DYNC1I1: variants seen among roughly 807,000 people sequenced by gnomAD.
DYNC1I1 encodes dynein cytoplasmic 1 intermediate chain 1, also known as cytoplasmic dynein 1 intermediate chain 1.
DYNC1I1 carries 43 observed loss-of-function variants against 86.6 expected under a neutral mutation model. That is an observed-to-expected ratio of 0.50 (90% CI 0.39 to 0.64). The LOEUF (loss-of-function observed/expected upper bound fraction) is 0.64, where lower values mean the gene tolerates loss of function less well. Among genes scored for constraint, DYNC1I1 ranks in the 30% least tolerant of loss-of-function variants. The pLI is 0.00. For missense variants in DYNC1I1, 604 were observed against 788.8 expected, an observed-to-expected ratio of 0.77 and a Z score of 2.81; for synonymous variants, 262 against 283.7, an observed-to-expected ratio of 0.92 and a Z score of 0.77.
intron 14 of DYNC1I1, among the ~76,000 whole-genome samples, chr7:96,043,678 G>A (rs1352855837): frequency 1.3e-5 from 2 of 151,796 alleles, no homozygotes; most frequent in Non-Finnish European, 2.9e-5. Context: ...AATACTAACT[G>A]TATATTTGAT....
intron 14 of DYNC1I1, among the ~76,000 whole-genome samples, chr7:96,072,805 G>A (rs1361329889): frequency 1.3e-5 from 2 of 152,068 alleles, no homozygotes; most frequent in African/African-American, 4.8e-5. Flanking sequence ...ATATACATGA[G>A]TTTATGATAT....
chr7:95,895,188 C>T (rs973196731), intron 6 of DYNC1I1, among the ~76,000 whole-genome samples: 24 of 152,116 alleles, frequency 1.6e-4, no homozygotes, highest in Admixed American at 4.6e-4. Context: ...AGCTGGTCAT[C>T]GCTGGTTGTT....
At chr7:95,974,824 G>C (rs1470170964) in intron 6 of DYNC1I1, among the ~76,000 whole-genome samples, 1 of 152,156 alleles carries the variant, frequency 6.6e-6, no homozygotes, top group Non-Finnish European at 1.5e-5. Context: ...CCTGAGTGTG[G>C]AAGAACAATC....
chr7:96,004,416 T>C (rs1794090785), intron 10 of DYNC1I1, among the ~76,000 whole-genome samples: 1 of 152,202 alleles, frequency 6.6e-6, no homozygotes, highest in African/African-American at 2.4e-5. Flanking sequence ...TATGTTTTTT[T>C]CCTTTTGAGT....
chr7:95,884,432 T>G (rs1261281343), intron 6 of DYNC1I1, among the ~76,000 whole-genome samples: 1 of 151,756 alleles, frequency 6.6e-6, no homozygotes, highest in Non-Finnish European at 1.5e-5. Flanking sequence ...AGACAGAGTC[T>G]TGCTGTGTTG....
intron 1 of DYNC1I1, among the ~76,000 whole-genome samples, chr7:95,800,877 C>T (rs1794561536): frequency 6.6e-6 from 1 of 152,220 alleles, no homozygotes; most frequent in Admixed American, 6.5e-5. Context: ...AACTCATGTC[C>T]CTCATGTTTT....
At chr7:95,902,050 T>C (rs539015535) in intron 6 of DYNC1I1, among the ~76,000 whole-genome samples, 31 of 152,332 alleles carry the variant, frequency 2.0e-4, no homozygotes, top group African/African-American at 7.2e-4. Context: ...GTATAAGCAG[T>C]GCAATCTTTG....
intron 6 of DYNC1I1, among the ~76,000 whole-genome samples, chr7:95,893,120 A>G (rs1184825849): frequency 6.6e-6 from 1 of 152,316 alleles, no homozygotes; most frequent in East Asian, 1.9e-4. Flanking sequence ...GGTTTCAGCT[A>G]CCAAACACAA....
intron 5 of DYNC1I1, among the ~76,000 whole-genome samples, chr7:95,859,554 T>C (rs1789819371): frequency 6.6e-6 from 1 of 152,128 alleles, no homozygotes; most frequent in Non-Finnish European, 1.5e-5. Context: ...GTGGCTGATG[T>C]GGTGTTGGGG....
intron 6 of DYNC1I1, among the ~76,000 whole-genome samples, chr7:95,875,306 A>G (rs995844348): frequency 2.0e-5 from 3 of 152,198 alleles, no homozygotes; most frequent in Non-Finnish European, 4.4e-5. Flanking sequence ...GAAAAATAAT[A>G]TTTATTATGT....
At chr7:95,860,531 A>G (rs1789849483) in intron 5 of DYNC1I1, among the ~76,000 whole-genome samples, 1 of 152,240 alleles carries the variant, frequency 6.6e-6, no homozygotes, top group Non-Finnish European at 1.5e-5. Context: ...GCCTAAGAAT[A>G]TGAAGATACT....
chr7:96,000,036 A>G (rs1386693646), intron 10 of DYNC1I1, among the ~76,000 whole-genome samples: 6 of 152,196 alleles, frequency 3.9e-5, no homozygotes, highest in Non-Finnish European at 5.9e-5. Context: ...ATTTTTTTAA[A>G]TGAAAAGAAT....
intron 14 of DYNC1I1, among the ~76,000 whole-genome samples, chr7:96,040,320 C>T (rs1788999013): frequency 6.6e-6 from 1 of 151,958 alleles, no homozygotes; most frequent in South Asian, 2.1e-4. Context: ...AAGCTGAGAC[C>T]ACTTGGAAGG....
At chr7:95,824,218 C>T (rs750605794) in intron 4 of DYNC1I1, among the ~76,000 whole-genome samples, 59 of 151,570 alleles carry the variant, frequency 3.9e-4, no homozygotes, top group African/African-American at 1.4e-3. Flanking sequence ...TCTTGGAACC[C>T]GTGGGCTTCA....
chr7:95,906,939 C>T (rs1369670259), intron 6 of DYNC1I1, among the ~76,000 whole-genome samples: 1 of 152,102 alleles, frequency 6.6e-6, no homozygotes, highest in Non-Finnish European at 1.5e-5. Context: ...TGAAAGAAAA[C>T]CAAAGCATTT....
chr7:96,098,634 C>T (rs1791080761), downstream of DYNC1I1, among the ~76,000 whole-genome samples: 1 of 152,170 alleles, frequency 6.6e-6, no homozygotes, highest in African/African-American at 2.4e-5. Flanking sequence ...TCCTCCTTCT[C>T]ACCTTTACCA....
chr7:95,983,384 C>T (rs545929146), intron 7 of DYNC1I1, among the ~76,000 whole-genome samples: 2 of 152,116 alleles, frequency 1.3e-5, no homozygotes, highest in Non-Finnish European at 2.9e-5. Flanking sequence ...GGATGAATCA[C>T]GTGTTGCCCT....
intron 10 of DYNC1I1, among the ~76,000 whole-genome samples, chr7:96,011,286 A>G (rs1794269901): frequency 1.3e-5 from 2 of 152,274 alleles, no homozygotes; most frequent in African/African-American, 4.8e-5. Context: ...AATATGTACC[A>G]ATCTGCCCAG....
chr7:95,996,219 C>T (rs1793864158), intron 10 of DYNC1I1, 146 bp downstream of exon 10: 1 of 1,253,174 alleles, frequency 8.0e-7, no homozygotes, highest in Non-Finnish European at 1.1e-6. Flanking sequence ...CCCACAGTAA[C>T]CTAATGTTTT....
Sources: allele counts gnomAD v4.1 joint callset (sites outside exome capture counted in the v4.1 genomes callset), GRCh38; gene constraint gnomAD v4.1.1; transcripts MANE v1.5; gene names NCBI Gene and HGNC (gene_info 2026-07-23, HGNC 2026-07-21).